Variants in UGT2A1 observed in about 807,000 individuals in gnomAD.
UGT2A1 encodes UDP-glucuronosyltransferase 2A1.
In UGT2A1, 61 loss-of-function variants were observed where a neutral mutation model predicts 45.4. The observed-to-expected ratio is 1.34, with a 90% confidence interval of 1.09 to 1.66. The LOEUF is 1.66. Ranked by LOEUF, UGT2A1 falls within the 40% of genes most tolerant of loss-of-function variation. The pLI is 0.00. For synonymous variants in UGT2A1, 229 were observed against 196.2 expected (o/e 1.17, Z -1.40); for missense variants, 649 against 574.3 (o/e 1.13, Z -1.33).
chr4:69,608,752 G>A (rs1444689149), intron 3 of UGT2A1, among the ~76,000 whole-genome samples: 1 of 152,074 alleles, frequency 6.6e-6, no homozygotes, highest in Admixed American at 6.6e-5. Context: ...CTGGAGTGCA[G>A]TGGCGCCATC....
intron 3 of UGT2A1, chr4:69,599,682 G>GT (rs1208210439): frequency 7.8e-6 from 2 of 257,882 alleles, no homozygotes. Context: ...GAAGAAAGAG[G>GT]TAGAAATAAA....
chr4:69,608,992 T>C lies in UGT2A1; in HGVS notation c.848-9598A>G, dbSNP rs143431393. 6.6e-3 allele frequency among the ~76,000 whole-genome samples: 1,007 copies of C among 152,126 alleles called. 16 individuals carry two copies. Among genetic ancestry groups the C allele is most frequent in the African/African-American group, 0.021 (881 of 41,512 alleles). On this transcript the variant is annotated intron_variant, in intron 3 of 6. Transcript: ENST00000286604. ...GTAGAAAAGGATTTCCTCAGGAACA[T>C]AAAGAAAAATTATAAAGAGTATGAT...
chr4:69,593,226 T>A (rs1033128289), intron 6 of UGT2A1, among the ~76,000 whole-genome samples: 2 of 152,028 alleles, frequency 1.3e-5, no homozygotes, highest in African/African-American at 4.8e-5. Context: ...AGTCAAGAAA[T>A]AAATCCTAAA....
chr4:69,602,869 C>A (rs1336085167), intron 3 of UGT2A1, among the ~76,000 whole-genome samples: 1 of 134,396 alleles, frequency 7.4e-6, no homozygotes, highest in East Asian at 2.1e-4. Flanking sequence ...AGTTCAAGAC[C>A]AGTGTGGCCA....
intron 3 of UGT2A1, among the ~76,000 whole-genome samples, chr4:69,635,313 C>A (rs1253177985): frequency 1.3e-5 from 2 of 152,104 alleles, no homozygotes; most frequent in South Asian, 4.2e-4. Context: ...TTTCTGCTCT[C>A]CCGATCTACA....
intron 2 of UGT2A1, among the ~76,000 whole-genome samples, chr4:69,640,723 T>C (rs1379457960): frequency 2.6e-5 from 4 of 151,882 alleles, no homozygotes; most frequent in Non-Finnish European, 4.4e-5. Flanking sequence ...ACAAAAGAAC[T>C]GGGAGGACAG....
intron 2 of UGT2A1, chr4:69,638,896 T>C (rs747280466): frequency 1.2e-5 from 19 of 1,567,862 alleles, no homozygotes; most frequent in Non-Finnish European, 1.6e-5. Flanking sequence ...ATTTTAGACT[T>C]ACCTAAAATT....
chr4:69,645,656 G>C (rs1172675674), intron 2 of UGT2A1, among the ~76,000 whole-genome samples: 2 of 151,726 alleles, frequency 1.3e-5, no homozygotes, highest in Non-Finnish European at 2.9e-5. Flanking sequence ...ATCTGTCCAA[G>C]TGTTTTACGT....
intron 2 of UGT2A1, chr4:69,638,842 A>G: frequency 6.8e-7 from 1 of 1,465,108 alleles, no homozygotes; most frequent in South Asian, 1.5e-5. Context: ...TTGCCATATG[A>G]CAATAAGAAT....
rs982066211 is a variant in UGT2A1, at chr4:69,649,571, G to A, written c.-54-1873C>T. Among the ~76,000 whole-genome samples the A allele has an allele frequency of 3.9e-5, 6 of 152,070 alleles. No homozygotes were observed. In the East Asian group the frequency reaches 5.8e-4, roughly 15 times the overall value. ...TAGGCAGATAGTTAGAACAAGGTCC[G>A]TTGGTAAAATTCTTTTTAACAAAAG... On this transcript the variant is annotated intron_variant, in intron 1 of 6. Coordinates refer to ENST00000286604, the MANE Select transcript of UGT2A1 (RefSeq NM_001252275.3).
At chr4:69,596,991 C>T (rs890675228) in intron 4 of UGT2A1, among the ~76,000 whole-genome samples, 2 of 152,198 alleles carry the variant, frequency 1.3e-5, no homozygotes, top group Non-Finnish European at 2.9e-5. Flanking sequence ...CTTAATTTAA[C>T]CAATCAACAG....
chr4:69,639,689 A>C, intron 2 of UGT2A1: 1 of 1,486,526 alleles, frequency 6.7e-7, no homozygotes, highest in Non-Finnish European at 8.9e-7. Context: ...AAGTATATTT[A>C]GGTCAATTTT....
chr4:69,637,686 C>A (rs112241993), intron 2 of UGT2A1, among the ~76,000 whole-genome samples: 1 of 152,192 alleles, frequency 6.6e-6, no homozygotes, highest in African/African-American at 2.4e-5. Context: ...GCATATATCA[C>A]AGGCTAAATT....
At position 69,607,976 on chromosome 4, in the gene UGT2A1, T is replaced by A. The variant is rs138955942; in HGVS notation, c.848-8582A>T. Among the ~76,000 whole-genome samples the A allele has an allele frequency of 1.6e-4, 24 of 152,332 alleles. 1 individual carries two copies. The highest frequency in any genetic ancestry group is 4.3e-4 in the African/African-American group (18 of 41,566). On this transcript the variant is annotated intron_variant, in intron 3 of 6. Transcript: ENST00000286604. ...AACACTTTTACACTGTTGGTGGGAC[T>A]GTAAACTAGTTCAATCATTGTGGAA... is the stretch of plus-strand genomic sequence containing the variant.
chr4:69,641,926 G>A (rs769066194), intron 2 of UGT2A1, among the ~76,000 whole-genome samples: 10 of 151,366 alleles, frequency 6.6e-5, no homozygotes, highest in Non-Finnish European at 1.5e-4. Flanking sequence ...AAATTAATCC[G>A]ATCTCATTAC....
At chr4:69,597,246 G>A (rs921012906) in intron 4 of UGT2A1, among the ~76,000 whole-genome samples, 1 of 152,146 alleles carries the variant, frequency 6.6e-6, no homozygotes, top group Admixed American at 6.5e-5. Context: ...ATAACAAAGT[G>A]CATCTCCAAC....
chr4:69,651,293 A>G (rs1722512887), intron 1 of UGT2A1, among the ~76,000 whole-genome samples: 1 of 152,210 alleles, frequency 6.6e-6, no homozygotes, highest in Non-Finnish European at 1.5e-5. Context: ...AATCACTGAA[A>G]AGCTAATCTG....
chr4:69,615,815 T>G (rs977369565), intron 3 of UGT2A1, among the ~76,000 whole-genome samples: 2 of 151,954 alleles, frequency 1.3e-5, no homozygotes, highest in East Asian at 3.9e-4. Flanking sequence ...GGTGGGAATA[T>G]AAAATTGGTG....
intron 2 of UGT2A1, 68 bp downstream of exon 2, chr4:69,646,862 T>C (rs1722282636): frequency 3.6e-6 from 4 of 1,120,080 alleles, no homozygotes; most frequent in Non-Finnish European, 5.0e-6. Context: ...CATAGGGAAA[T>C]AAAGAAGAGG....
Sources: gnomAD v4.1 joint callset for allele counts (sites outside exome capture counted in the v4.1 genomes callset) on GRCh38, gnomAD v4.1.1 for gene constraint, MANE v1.5 for transcripts, NCBI Gene and HGNC (gene_info 2026-07-23, HGNC 2026-07-21) for gene names.